The following HS6ST3 variants were observed in gnomAD, a reference collection of about 807,000 sequenced individuals.
The protein encoded by HS6ST3 is heparan sulfate 6-O-sulfotransferase 3.
Under a neutral mutation model 36.7 loss-of-function variants are expected in HS6ST3, and 12 were observed. The observed-to-expected ratio is 0.33, with a 90% CI of 0.21 to 0.53. The LOEUF is 0.53. Ranked by LOEUF, HS6ST3 falls within the 20% of genes least tolerant of loss-of-function variation. The pLI is 0.95. For missense variants in HS6ST3, 584 were observed against 640.9 expected (o/e 0.91, Z 0.96); for synonymous variants, 240 against 257.5 (o/e 0.93, Z 0.65).
chr13:96,537,697 G>A (rs2056161304), intron 1 of HS6ST3, among the ~76,000 whole-genome samples: 1 of 152,168 alleles, frequency 6.6e-6, no homozygotes, highest in East Asian at 1.9e-4. Flanking sequence ...AATACAATAT[G>A]ACATTAGAAA....
chr13:96,494,854 G>A (rs1470244435), intron 1 of HS6ST3, among the ~76,000 whole-genome samples: 1 of 152,170 alleles, frequency 6.6e-6, no homozygotes, highest in Non-Finnish European at 1.5e-5. Flanking sequence ...GGCATCACTA[G>A]TATTGTTGGG....
intron 1 of HS6ST3, among the ~76,000 whole-genome samples, chr13:96,257,144 A>G (rs1418485215): frequency 6.6e-6 from 1 of 152,090 alleles, no homozygotes; most frequent in Non-Finnish European, 1.5e-5. Context: ...CCTTCACTGT[A>G]CTTAATAGTG....
intron 1 of HS6ST3, among the ~76,000 whole-genome samples, chr13:96,811,109 G>C (rs1247924583): frequency 6.6e-6 from 1 of 152,072 alleles, no homozygotes. Context: ...TCTTTTTCTT[G>C]TTAATGAAGT....
At chr13:96,768,965 C>G (rs1594855762) in intron 1 of HS6ST3, among the ~76,000 whole-genome samples, 1 of 152,232 alleles carries the variant, frequency 6.6e-6, no homozygotes, top group East Asian at 1.9e-4. Context: ...AAGACCCGAT[C>G]ATTGTTCCAG....
intron 1 of HS6ST3, among the ~76,000 whole-genome samples, chr13:96,820,431 G>A (rs1878508163): frequency 1.3e-5 from 2 of 152,264 alleles, no homozygotes; most frequent in South Asian, 4.1e-4. Context: ...TAATCTTGGA[G>A]TTTATGAGGC....
At chr13:96,612,613 A>G (rs1359418643) in intron 1 of HS6ST3, among the ~76,000 whole-genome samples, 1 of 152,042 alleles carries the variant, frequency 6.6e-6, no homozygotes, top group East Asian at 1.9e-4. Flanking sequence ...TTCAAGGGTG[A>G]TTTTTCTCCT....
intron 1 of HS6ST3, among the ~76,000 whole-genome samples, chr13:96,766,822 C>T (rs1877129336): frequency 6.6e-6 from 1 of 152,170 alleles, no homozygotes; most frequent in Non-Finnish European, 1.5e-5. Flanking sequence ...CTTCTGGTGG[C>T]ATGCAGGAAA....
chr13:96,775,450 AG>A (rs1452918816), intron 1 of HS6ST3, among the ~76,000 whole-genome samples: 5 of 152,198 alleles, frequency 3.3e-5, no homozygotes, highest in African/African-American at 1.2e-4. Flanking sequence ...TCACGTGCAA[AG>A]ACACACATAG....
intron 1 of HS6ST3, among the ~76,000 whole-genome samples, chr13:96,339,071 A>G (rs988413420): frequency 6.6e-6 from 1 of 152,140 alleles, no homozygotes; most frequent in Non-Finnish European, 1.5e-5. Context: ...TTAGGGAAAT[A>G]GGGAAAATTT....
At chr13:96,201,188 G>A (rs890350672) in intron 1 of HS6ST3, among the ~76,000 whole-genome samples, 2 of 152,104 alleles carry the variant, frequency 1.3e-5, no homozygotes, top group African/African-American at 4.8e-5. Flanking sequence ...TAGACGGATC[G>A]ATTTGGGGCC....
chr13:96,322,111 A>G (rs1157429015), intron 1 of HS6ST3, among the ~76,000 whole-genome samples: 2 of 152,158 alleles, frequency 1.3e-5, no homozygotes, highest in Admixed American at 1.3e-4. Flanking sequence ...TTTCCTGTCT[A>G]TATCAAGCCA....
At chr13:96,543,076 A>T (rs1311351086) in intron 1 of HS6ST3, among the ~76,000 whole-genome samples, 1 of 152,174 alleles carries the variant, frequency 6.6e-6, no homozygotes, top group Non-Finnish European at 1.5e-5. Flanking sequence ...CCATGTCCCT[A>T]TCTTTACATA....
intron 1 of HS6ST3, among the ~76,000 whole-genome samples, chr13:96,450,170 C>T (rs2055720691): frequency 6.6e-6 from 1 of 152,174 alleles, no homozygotes; most frequent in African/African-American, 2.4e-5. Flanking sequence ...GAAACATGCT[C>T]TCCAAGAGAT....
intron 1 of HS6ST3, among the ~76,000 whole-genome samples, chr13:96,295,929 T>A (rs995892179): frequency 6.6e-6 from 1 of 152,078 alleles, no homozygotes; most frequent in Non-Finnish European, 1.5e-5. Context: ...TTGGGAGACA[T>A]GTGAATAGAA....
At chr13:96,272,983 A>G (rs1175491503) in intron 1 of HS6ST3, among the ~76,000 whole-genome samples, 2 of 152,046 alleles carry the variant, frequency 1.3e-5, no homozygotes, top group Non-Finnish European at 2.9e-5. Context: ...GATACAATGA[A>G]TGTCAAATGA....
chr13:96,266,984 A>T (rs1253410516), intron 1 of HS6ST3, among the ~76,000 whole-genome samples: 1 of 152,184 alleles, frequency 6.6e-6, no homozygotes, highest in African/African-American at 2.4e-5. Context: ...TGGTTCCCAT[A>T]ATCACCACAT....
chr13:96,497,665 C>T (rs887006967), intron 1 of HS6ST3, among the ~76,000 whole-genome samples: 1 of 152,158 alleles, frequency 6.6e-6, no homozygotes, highest in African/African-American at 2.4e-5. Flanking sequence ...TGTTCTGCTT[C>T]TGCCCCTCTG....
At chr13:96,159,145 C>G (rs527920987) in intron 1 of HS6ST3, among the ~76,000 whole-genome samples, 1 of 152,114 alleles carries the variant, frequency 6.6e-6, no homozygotes, top group Admixed American at 6.5e-5. Flanking sequence ...GTGACAGCAG[C>G]TGGCTGGGAT....
intron 1 of HS6ST3, among the ~76,000 whole-genome samples, chr13:96,719,789 T>C (rs1339263953): frequency 6.6e-6 from 1 of 152,198 alleles, no homozygotes; most frequent in Non-Finnish European, 1.5e-5. Flanking sequence ...TTTGCTAAAT[T>C]GGCCTGGAGC....
Sources: gnomAD v4.1 joint callset for allele counts (sites outside exome capture counted in the v4.1 genomes callset) on GRCh38, gnomAD v4.1.1 for gene constraint, MANE v1.5 for transcripts, NCBI Gene and HGNC (gene_info 2026-07-23, HGNC 2026-07-21) for gene names.